Variants in HEPH observed in about 807,000 individuals in gnomAD.
The protein encoded by HEPH is hephaestin.
In HEPH, 69 loss-of-function variants were observed where a neutral mutation model predicts 80.8. The ratio of observed to expected loss-of-function variants is 0.85; its 90% CI spans 0.70 to 1.04. HEPH has a LOEUF of 1.04. Among genes scored for constraint, HEPH ranks in the 50% least tolerant of loss-of-function variants. The probability of loss-of-function intolerance (pLI) is 0.00; values close to 1 mark genes in which losing one functional copy is unlikely to be tolerated. For missense variants in HEPH, 1,115 were observed against 891.3 expected (o/e 1.25, Z -3.20); for synonymous variants, 431 against 322.8 (o/e 1.34, Z -3.60).
Position 66,207,512 on chromosome X carries a change from AATC to A in HEPH, c.2431+181_2431+183del, listed in dbSNP as rs200121043. On this transcript the variant is annotated intron_variant, in intron 14 of 20. Coordinates refer to ENST00000343002, the MANE Select transcript of HEPH (RefSeq NM_001367233.3). The stretch of plus-strand genomic sequence containing the variant: ...ATAAACAGTGAAGGGGGAGGAAGGA[AATC>A]ATGAATTCATGAACCAGATTTTACT... 8.3e-3 allele frequency among the ~76,000 whole-genome samples: 926 copies of A among 111,807 alleles called. 13 individuals carry two copies. The highest frequency in any genetic ancestry group is 0.028 in the African/African-American group (850 of 30,762).
At chrX:66,245,253 C>T (rs1316525649) in intron 15 of HEPH, among the ~76,000 whole-genome samples, 1 of 110,949 alleles carries the variant, frequency 9.0e-6, no homozygotes, top group Non-Finnish European at 1.9e-5. Flanking sequence ...TGCAGAGACA[C>T]ACATAGGCTC....
rs947543138 is a variant in HEPH, at chrX:66,207,349, C to G, written c.2431+15C>G. 7.8e-6 allele frequency: 9 copies of G among 1,150,933 alleles called. No homozygotes were observed. In the African/African-American group the frequency reaches 1.6e-4, roughly 21 times the overall value. 94.8% of individuals were successfully genotyped at this position (1,150,933 alleles called of 1,213,427 possible). A position where few individuals can be genotyped will look rare whatever the true frequency, so the allele number is the denominator to read the frequency against. On this transcript the variant is annotated intron_variant, in intron 14 of 20. Transcript: ENST00000343002. ...GGGAATCTTGGGTAAGGGAATTCTA[C>G]TTCCCTCCTAGTGTTTAGCAGCCTG...
At chrX:66,265,931 G>A (rs1265964702) in intron 20 of HEPH, among the ~76,000 whole-genome samples, 2 of 111,688 alleles carry the variant, frequency 1.8e-5, no homozygotes, top group Non-Finnish European at 3.8e-5. Context: ...TATTTCTCTT[G>A]GAAAGGTCTA....
chrX:66,224,218 A>T (rs780119148), intron 15 of HEPH, among the ~76,000 whole-genome samples: 13 of 111,362 alleles, frequency 1.2e-4, no homozygotes, highest in African/African-American at 4.2e-4. Context: ...CTTTTAGCAA[A>T]CTTTACTTTT....
chrX:66,231,950 C>T (rs1338502435), intron 15 of HEPH, among the ~76,000 whole-genome samples: 2 of 110,592 alleles, frequency 1.8e-5, no homozygotes, highest in African/African-American at 6.7e-5. Flanking sequence ...GAAGTACGTC[C>T]CATGAATACC....
intron 6 of HEPH, among the ~76,000 whole-genome samples, chrX:66,191,269 C>T (rs1312847258): frequency 8.9e-6 from 1 of 112,014 alleles, no homozygotes; most frequent in African/African-American, 3.3e-5. Flanking sequence ...AAGTCTATTT[C>T]ATACAATGGT....
intron 15 of HEPH, among the ~76,000 whole-genome samples, chrX:66,224,111 A>G (rs1363323785): frequency 9.2e-6 from 1 of 108,427 alleles, no homozygotes; most frequent in Non-Finnish European, 1.9e-5. Flanking sequence ...GAAGATGATA[A>G]CCATTCTTTT....
chrX:66,221,963 A>G (rs2089669785), intron 15 of HEPH, among the ~76,000 whole-genome samples: 1 of 111,945 alleles, frequency 8.9e-6, no homozygotes, highest in South Asian at 3.7e-4. Context: ...TTTCCTCCCT[A>G]TGGTTGATGA....
intron 15 of HEPH, among the ~76,000 whole-genome samples, chrX:66,239,404 G>T (rs1300304687): frequency 8.9e-6 from 1 of 111,792 alleles, no homozygotes; most frequent in Non-Finnish European, 1.9e-5. Flanking sequence ...TTAGGAGCAT[G>T]CCATTTGTGT....
intron 17 of HEPH, among the ~76,000 whole-genome samples, chrX:66,258,630 A>T (rs2091257681): frequency 9.0e-6 from 1 of 111,373 alleles, no homozygotes; most frequent in Non-Finnish European, 1.9e-5. Context: ...ATGTCATCAG[A>T]TTCAGTCACT....
chrX:66,249,539 G>A (rs1393795562), intron 15 of HEPH, among the ~76,000 whole-genome samples: 1 of 111,489 alleles, frequency 9.0e-6, no homozygotes, highest in Non-Finnish European at 1.9e-5. Flanking sequence ...GAACCAAACA[G>A]CACTGAGGAC....
intron 15 of HEPH, among the ~76,000 whole-genome samples, chrX:66,231,198 A>G (rs1445064440): frequency 1.2e-4 from 13 of 109,050 alleles, no homozygotes; most frequent in African/African-American, 4.3e-4. Context: ...TATAGTTTGA[A>G]GTCAGGTAGT....
chrX:66,212,186 GT>G (rs34500733), intron 15 of HEPH, among the ~76,000 whole-genome samples: 3,136 of 93,761 alleles, frequency 0.033, 90 homozygotes, highest in African/African-American at 0.072. Context: ...TTTTTAATGT[GT>G]TTTTTTTTTT....
chrX:66,256,054 C>T (rs1239113892), intron 16 of HEPH, 51 bp from the exon 17 acceptor site: 4 of 1,024,910 alleles, frequency 3.9e-6, no homozygotes, highest in Non-Finnish European at 5.4e-6. Flanking sequence ...GTACTGCTAC[C>T]CAGAAACAAC....
intron 15 of HEPH, among the ~76,000 whole-genome samples, chrX:66,244,341 A>G (rs1266483666): frequency 5.4e-5 from 6 of 111,763 alleles, no homozygotes; most frequent in Admixed American, 4.8e-4. Context: ...ATAATCTGAT[A>G]TTTCTCAGAG....
chrX:66,249,538 A>G lies in HEPH; in HGVS notation c.2564-5497A>G, dbSNP rs934943151. Among the ~76,000 whole-genome samples, 3 of 111,713 alleles carry G rather than the reference A, an allele frequency of 2.7e-5. No individual in the cohort carries two copies. The East Asian group carries it at 8.4e-4, about 31-fold the overall frequency. ...AGGATTGGAAGCTATTGAACCAAAC[A>G]GCACTGAGGACACAATTGAGACTGG... On this transcript the variant is annotated intron_variant, in intron 15 of 20. Coordinates refer to ENST00000343002, the MANE Select transcript of HEPH (RefSeq NM_001367233.3).
At chrX:66,264,457 A>T (rs2148251059) in intron 20 of HEPH, among the ~76,000 whole-genome samples, 1 of 109,065 alleles carries the variant, frequency 9.2e-6, no homozygotes, top group South Asian at 3.9e-4. Flanking sequence ...CAAGGAGTTA[A>T]ACCTTTGGAA....
At chrX:66,204,438 G>A (rs2088650626) in intron 13 of HEPH, among the ~76,000 whole-genome samples, 1 of 112,022 alleles carries the variant, frequency 8.9e-6, no homozygotes, top group South Asian at 3.7e-4. Flanking sequence ...GTTCGTTGAA[G>A]GTTGAAGTCT....
Position 66,255,097 on chromosome X carries a change from G to A in HEPH, c.2626G>A (p.Ala876Thr), listed in dbSNP as rs2091132796. The A allele has an allele frequency of 8.3e-7, 1 of 1,205,828 alleles. No homozygotes were observed. The highest frequency in any genetic ancestry group is 1.8e-5 in the African/African-American group (1 of 56,748). ...ERSGPGPNDSACVSWIYYSAV... is the reference protein window; with the variant it reads ...ERSGPGPNDSTCVSWIYYSAV... ...GTCTGGCCCTGGGCCCAATGACTCT[G>A]CTTGTGTTTCCTGGATCTATTATTC... is the stretch of plus-strand genomic sequence containing the variant. The change falls in exon 16 of 21, where the codon GCT (alanine) becomes ACT (threonine). Residue 876 changes from alanine (A) to threonine (T), a missense_variant. Ala to Thr is a moderately conservative substitution (Grantham distance 58, BLOSUM62 0). Around this residue, in one of 3 missense-constraint regions of HEPH, gnomAD observed 716 missense variants for 523.5 expected, o/e 1.37. Coordinates refer to ENST00000343002, the MANE Select transcript of HEPH (RefSeq NM_001367233.3).
Sources: allele counts gnomAD v4.1 joint callset (sites outside exome capture counted in the v4.1 genomes callset), GRCh38; gene constraint gnomAD v4.1.1; regional missense constraint gnomAD v4.1.1; transcripts MANE v1.5; gene names NCBI Gene and HGNC (gene_info 2026-07-23, HGNC 2026-07-21).